BMAL1: variants seen among roughly 807,000 people sequenced by gnomAD.
BMAL1 encodes basic helix-loop-helix ARNT-like protein 1.
At chr11:13,378,053 G>A in the BMAL1 span, among the ~76,000 whole-genome samples, 4 of 152,148 alleles carry the variant, frequency 2.6e-5, no homozygotes, top group East Asian at 7.7e-4. Flanking sequence ...CTGTAACCCT[G>A]GCACATACAG....
chr11:13,281,403 C>T, the BMAL1 span, among the ~76,000 whole-genome samples: 1 of 152,188 alleles, frequency 6.6e-6, no homozygotes, highest in Non-Finnish European at 1.5e-5. Flanking sequence ...TGGCTTCTCT[C>T]GCTACCACCT....
the BMAL1 span, among the ~76,000 whole-genome samples, chr11:13,307,409 C>T: frequency 6.6e-6 from 1 of 152,206 alleles, no homozygotes; most frequent in Admixed American, 6.5e-5. Context: ...AGAATCCTGA[C>T]TTACTTTGTT....
At chr11:13,344,188 C>A in the BMAL1 span, among the ~76,000 whole-genome samples, 1 of 152,196 alleles carries the variant, frequency 6.6e-6, no homozygotes, top group Non-Finnish European at 1.5e-5. Context: ...CTTTTATTAA[C>A]ACCTCCTCAG....
chr11:13,297,452 G>A, the BMAL1 span, among the ~76,000 whole-genome samples: 3 of 152,222 alleles, frequency 2.0e-5, no homozygotes, highest in African/African-American at 7.2e-5. Context: ...CCTGTGGGCC[G>A]GCAGTGAGGA....
chr11:13,308,617 TTACCAA>T, the BMAL1 span, among the ~76,000 whole-genome samples: 1 of 152,126 alleles, frequency 6.6e-6, no homozygotes, highest in African/African-American at 2.4e-5. Context: ...GACTGAGACT[TTACCAA>T]TGGATGTAGC....
the BMAL1 span, chr11:13,356,181 A>C: frequency 2.3e-6 from 1 of 440,466 alleles, no homozygotes; most frequent in South Asian, 1.6e-5. Context: ...AGGGGTTCCC[A>C]CCTACCTGAG....
the BMAL1 span, among the ~76,000 whole-genome samples, chr11:13,320,589 C>T: frequency 2.6e-5 from 4 of 152,274 alleles, no homozygotes; most frequent in Non-Finnish European, 4.4e-5. Flanking sequence ...GAAGGATATA[C>T]GAATTAATAT....
the BMAL1 span, among the ~76,000 whole-genome samples, chr11:13,359,795 C>T: frequency 1.3e-5 from 2 of 152,298 alleles, no homozygotes; most frequent in South Asian, 2.1e-4. Flanking sequence ...CCTGGGAGTG[C>T]GAGCTGCATT....
the BMAL1 span, among the ~76,000 whole-genome samples, chr11:13,363,400 G>A: frequency 1.7e-3 from 262 of 152,104 alleles, no homozygotes; most frequent in African/African-American, 6.0e-3. Flanking sequence ...CAGCACTCAA[G>A]AGTGATCTCT....
At chr11:13,366,605 T>A in the BMAL1 span, 1 of 1,423,806 alleles carries the variant, frequency 7.0e-7, no homozygotes, top group South Asian at 1.2e-5. Context: ...TGCTTACTTG[T>A]TGCATAATTG....
the BMAL1 span, among the ~76,000 whole-genome samples, chr11:13,310,978 G>A: frequency 2.0e-5 from 3 of 152,230 alleles, no homozygotes; most frequent in African/African-American, 7.2e-5. Context: ...AGGATCAATG[G>A]AGGAGATACT....
the BMAL1 span, among the ~76,000 whole-genome samples, chr11:13,322,665 C>T: frequency 2.0e-5 from 3 of 151,090 alleles, no homozygotes; most frequent in Non-Finnish European, 4.4e-5. Flanking sequence ...CATAAAGTGA[C>T]ACATGGGTTT....
chr11:13,376,029 G>C, the BMAL1 span, among the ~76,000 whole-genome samples: 5 of 152,176 alleles, frequency 3.3e-5, no homozygotes, highest in African/African-American at 1.2e-4. Context: ...GCTAACCTTT[G>C]AATTCCACAG....
At chr11:13,284,180 G>T in the BMAL1 span, among the ~76,000 whole-genome samples, 1 of 21,126 alleles carries the variant, frequency 4.7e-5, no homozygotes, top group South Asian at 1.4e-3. Context: ...ATATATATGT[G>T]TATATATATA....
chr11:13,314,010 G>T, the BMAL1 span, among the ~76,000 whole-genome samples: 1 of 151,700 alleles, frequency 6.6e-6, no homozygotes, highest in East Asian at 2.0e-4. Context: ...TCCTGGGAAT[G>T]GCGTGGTCTC....
At chr11:13,278,857 A>C in the BMAL1 span, among the ~76,000 whole-genome samples, 1 of 152,182 alleles carries the variant, frequency 6.6e-6, no homozygotes, top group Non-Finnish European at 1.5e-5. Flanking sequence ...GACATCCCAG[A>C]GAGCTTCCCG....
At chr11:13,381,335 C>A in the BMAL1 span, 1 of 1,343,764 alleles carries the variant, frequency 7.4e-7, no homozygotes, top group Non-Finnish European at 1.1e-6. Context: ...TATGGAATTG[C>A]AACTGCGATT....
At chr11:13,340,603 C>T in the BMAL1 span, among the ~76,000 whole-genome samples, 1 of 152,138 alleles carries the variant, frequency 6.6e-6, no homozygotes, top group South Asian at 2.1e-4. Context: ...CAGACCCACC[C>T]CCAGGATACC....
chr11:13,301,611 A>C, the BMAL1 span, among the ~76,000 whole-genome samples: 1 of 152,242 alleles, frequency 6.6e-6, no homozygotes, highest in African/African-American at 2.4e-5. Flanking sequence ...GACAGGCTGA[A>C]ATGGAGGCTG....
Sources: gnomAD v4.1 joint callset for allele counts (sites outside exome capture counted in the v4.1 genomes callset) on GRCh38, gnomAD v4.1.1 for gene constraint, MANE v1.5 for transcripts, NCBI Gene and HGNC (gene_info 2026-07-23, HGNC 2026-07-21) for gene names.